APBB2: variants seen among roughly 807,000 people sequenced by gnomAD.
The protein encoded by APBB2 is amyloid beta precursor protein binding family B member 2, also known as Fe65-like 1.
In APBB2, 38 loss-of-function variants were observed where a neutral mutation model predicts 82.5. The observed-to-expected ratio is 0.46, with a 90% CI of 0.36 to 0.60. The LOEUF is 0.60. APBB2 is among the 20% of genes least tolerant of loss of function. APBB2 has a pLI of 0.00. For synonymous variants in APBB2, 341 were observed against 368.2 expected, an observed-to-expected ratio of 0.93 and a Z score of 0.85; for missense variants, 772 against 972.3, an observed-to-expected ratio of 0.79 and a Z score of 2.74.
At chr4:40,930,290 A>T (rs1303273028) in intron 10 of APBB2, among the ~76,000 whole-genome samples, 1 of 152,190 alleles carries the variant, frequency 6.6e-6, no homozygotes, top group Non-Finnish European at 1.5e-5. Flanking sequence ...ATAAAAAGTT[A>T]AACAGGAGAC....
intron 4 of APBB2, among the ~76,000 whole-genome samples, chr4:41,045,611 G>T (rs572645046): frequency 2.6e-5 from 4 of 152,136 alleles, no homozygotes; most frequent in African/African-American, 7.2e-5. Flanking sequence ...ATTTCTAATT[G>T]AGCGTGTCTT....
At chr4:40,831,852 T>C (rs1752020658) in intron 12 of APBB2, among the ~76,000 whole-genome samples, 1 of 152,170 alleles carries the variant, frequency 6.6e-6, no homozygotes, top group Admixed American at 6.5e-5. Flanking sequence ...ATGTTGGGTG[T>C]TCGCATTTTT....
At chr4:41,157,867 C>G (rs749514336) in intron 1 of APBB2, among the ~76,000 whole-genome samples, 19 of 152,098 alleles carry the variant, frequency 1.2e-4, no homozygotes, top group Admixed American at 6.5e-4. Flanking sequence ...TGGCACACAC[C>G]TATAATCTCA....
At chr4:40,942,561 G>A (rs1476622074) in intron 7 of APBB2, among the ~76,000 whole-genome samples, 3 of 152,148 alleles carry the variant, frequency 2.0e-5, no homozygotes, top group African/African-American at 7.2e-5. Flanking sequence ...CTCCTGAGAA[G>A]ATCAGATGAA....
At chr4:41,047,325 ATTG>A (rs957127595) in intron 4 of APBB2, among the ~76,000 whole-genome samples, 2 of 152,270 alleles carry the variant, frequency 1.3e-5, no homozygotes, top group African/African-American at 4.8e-5. Flanking sequence ...TATGCCAGAG[ATTG>A]TTAACTGAAA....
At chr4:41,019,381 C>T (rs943259637) in intron 5 of APBB2, among the ~76,000 whole-genome samples, 1 of 152,160 alleles carries the variant, frequency 6.6e-6, no homozygotes, top group African/African-American at 2.4e-5. Flanking sequence ...AGGGTACCTT[C>T]ACGCTAGGAG....
intron 3 of APBB2, among the ~76,000 whole-genome samples, chr4:41,069,138 G>A (rs1396841689): frequency 6.6e-6 from 1 of 152,068 alleles, no homozygotes; most frequent in African/African-American, 2.4e-5. Flanking sequence ...CCAATTCAAA[G>A]GTCCTTCCTA....
chr4:41,182,005 G>T (rs1213244193), intron 1 of APBB2, among the ~76,000 whole-genome samples: 1 of 150,980 alleles, frequency 6.6e-6, no homozygotes, highest in African/African-American at 2.4e-5. Flanking sequence ...ACTTTGGCAT[G>T]AAGCCATCTT....
At chr4:40,880,571 C>T (rs1768187846) in intron 12 of APBB2, 1 of 985,312 alleles carries the variant, frequency 1.0e-6, no homozygotes, top group African/African-American at 1.7e-5. Flanking sequence ...GGTTGTTAGG[C>T]TATTTCTTTA....
At chr4:41,026,892 T>C (rs965978300) in intron 5 of APBB2, among the ~76,000 whole-genome samples, 12 of 152,194 alleles carry the variant, frequency 7.9e-5, no homozygotes, top group African/African-American at 2.9e-4. Flanking sequence ...GAAATTTATA[T>C]TTGTTTATCT....
intron 1 of APBB2, among the ~76,000 whole-genome samples, chr4:41,173,789 G>A (rs990314393): frequency 4.2e-4 from 64 of 151,824 alleles, no homozygotes; most frequent in African/African-American, 1.5e-3. Flanking sequence ...TACCATCTAG[G>A]CTTGTGTAAG....
intron 5 of APBB2, among the ~76,000 whole-genome samples, chr4:41,016,401 C>A (rs1246766011): frequency 2.6e-5 from 4 of 152,202 alleles, no homozygotes; most frequent in African/African-American, 9.7e-5. Context: ...GTGGCTCACG[C>A]CTGTAATCCC....
intron 10 of APBB2, among the ~76,000 whole-genome samples, chr4:40,900,841 T>A (rs550448999): frequency 6.6e-6 from 1 of 151,922 alleles, no homozygotes; most frequent in East Asian, 1.9e-4. Context: ...CAGGACAGAT[T>A]AATTCATTCA....
intron 1 of APBB2, among the ~76,000 whole-genome samples, chr4:41,168,719 C>T (rs1020177081): frequency 6.6e-6 from 1 of 152,158 alleles, no homozygotes; most frequent in African/African-American, 2.4e-5. Flanking sequence ...CAAACCTAAG[C>T]CTAACTCTTA....
chr4:41,041,224 C>T (rs2154447567), intron 4 of APBB2, among the ~76,000 whole-genome samples: 1 of 152,028 alleles, frequency 6.6e-6, no homozygotes, highest in East Asian at 1.9e-4. Flanking sequence ...GTTTTAAAGT[C>T]AGAAAATAAA....
chr4:40,902,046 T>G (rs1775449607), intron 10 of APBB2, among the ~76,000 whole-genome samples: 1 of 152,160 alleles, frequency 6.6e-6, no homozygotes, highest in Non-Finnish European at 1.5e-5. Context: ...TTGAAAACTG[T>G]GACTTTAAGC....
chr4:41,197,212 G>A, intron 1 of APBB2, among the ~76,000 whole-genome samples: 1 of 152,030 alleles, frequency 6.6e-6, no homozygotes, highest in Non-Finnish European at 1.5e-5. Flanking sequence ...CAATATGCAT[G>A]TTATTTTTTC....
chr4:41,057,861 C>T (rs1728376922), intron 4 of APBB2, among the ~76,000 whole-genome samples: 1 of 152,200 alleles, frequency 6.6e-6, no homozygotes, highest in Non-Finnish European at 1.5e-5. Flanking sequence ...GGGGCATTTC[C>T]TCCCCGCTCT....
intron 1 of APBB2, among the ~76,000 whole-genome samples, chr4:41,180,495 G>A (rs1464500793): frequency 6.6e-6 from 1 of 152,140 alleles, no homozygotes; most frequent in African/African-American, 2.4e-5. Context: ...GCCAGTCATA[G>A]TGGTGGTACA....
Sources: gnomAD v4.1 joint callset for allele counts (sites outside exome capture counted in the v4.1 genomes callset) on GRCh38, gnomAD v4.1.1 for gene constraint, MANE v1.5 for transcripts, NCBI Gene and HGNC (gene_info 2026-07-23, HGNC 2026-07-21) for gene names.